The following JHY variants were observed in gnomAD, a reference collection of about 807,000 sequenced individuals.
JHY encodes the protein junctional cadherin complex regulator.
A neutral mutation model predicts 78.0 loss-of-function variants in JHY; 69 were observed. The ratio of observed to expected loss-of-function variants is 0.88; its 90% CI spans 0.73 to 1.08. The LOEUF (loss-of-function observed/expected upper bound fraction) is 1.08. JHY is among the 50% of genes least tolerant of loss of function. JHY has a pLI of 0.00. For synonymous variants in JHY, 368 were observed against 342.6 expected (o/e 1.07, Z -0.82); for missense variants, 944 against 927.8 (o/e 1.02, Z -0.23).
At chr11:122,940,844 C>T (rs76886860) in intron 5 of JHY, among the ~76,000 whole-genome samples, 2 of 141,398 alleles carry the variant, frequency 1.4e-5, no homozygotes, top group African/African-American at 5.3e-5. Context: ...TCCTTCCTTC[C>T]TTCTTTATCT....
intron 3 of JHY, among the ~76,000 whole-genome samples, chr11:122,920,517 G>A (rs933148232): frequency 4.6e-5 from 7 of 152,118 alleles, no homozygotes; most frequent in South Asian, 2.1e-4. Context: ...GTGTCTTTAC[G>A]CGGATTCACT....
chr11:122,914,389 C>A (rs1863192429), intron 3 of JHY, among the ~76,000 whole-genome samples: 3 of 151,860 alleles, frequency 2.0e-5, no homozygotes, highest in Admixed American at 2.0e-4. Context: ...ATAGAATTAT[C>A]TTCTTATAGG....
At chr11:122,887,341 G>A (rs1390683599) in intron 2 of JHY, among the ~76,000 whole-genome samples, 4 of 152,184 alleles carry the variant, frequency 2.6e-5, no homozygotes, top group South Asian at 2.1e-4. Flanking sequence ...TGTGTGGGAC[G>A]GGGGAGGAGT....
rs943957305 is a variant in JHY at position 122,961,089 on chromosome 11, A to C, written c.*1644A>C. 2.3e-5 allele frequency: 23 copies of C among 1,013,644 alleles called. No homozygotes were observed. The highest frequency in any genetic ancestry group is 3.5e-5 in the Non-Finnish European group (23 of 652,636). The allele number at this position is 1,013,644 out of a possible 1,614,324, so 62.8% of individuals were successfully genotyped here. On this transcript the variant is annotated 3_prime_UTR_variant, in exon 9 of 9. Transcript: ENST00000227349. ...GACTCATGCACAGCCAGTTATGTAA[A>C]TGTATCTATCCCAATTGAGAGAGCC...
Position 122,962,301 on chromosome 11 carries a change from T to G in JHY, c.*2856T>G, listed in dbSNP as rs1487769091. 2.6e-5 allele frequency among the ~76,000 whole-genome samples: 3 copies of G among 114,962 alleles called. No homozygotes were observed. 75.4% of individuals were successfully genotyped at this position (114,962 alleles called of 152,430 possible). A position where few individuals can be genotyped will look rare whatever the true frequency, so the allele number is the denominator to read the frequency against. ...CTATACGTGTGGTGTAAGGACTAGCTTTGGAAATGTACTCCTATGTTGTAT... is the reference window on the plus strand; with the variant it reads ...CTATACGTGTGGTGTAAGGACTAGCGTTGGAAATGTACTCCTATGTTGTAT... On this transcript the variant is annotated 3_prime_UTR_variant, in exon 9 of 9. Coordinates refer to ENST00000227349, the MANE Select transcript of JHY (RefSeq NM_024806.4).
At chr11:122,912,473 A>G (rs993086355) in intron 3 of JHY, among the ~76,000 whole-genome samples, 5 of 152,130 alleles carry the variant, frequency 3.3e-5, no homozygotes, top group Admixed American at 1.3e-4. Context: ...ACAACGAAAT[A>G]TTGGAGAAAA....
intron 3 of JHY, among the ~76,000 whole-genome samples, chr11:122,919,406 C>T (rs1256509108): frequency 1.8e-5 from 2 of 110,230 alleles, no homozygotes; most frequent in African/African-American, 6.7e-5. Flanking sequence ...ATTCCCTAAA[C>T]AAGTGAATTT....
chr11:122,915,405 C>T (rs759516158), intron 3 of JHY, among the ~76,000 whole-genome samples: 2 of 152,182 alleles, frequency 1.3e-5, no homozygotes, highest in African/African-American at 2.4e-5. Flanking sequence ...CCAAGAAACC[C>T]GGAAGAAAAG....
chr11:122,919,197 C>T (rs1224564631), intron 3 of JHY, among the ~76,000 whole-genome samples: 1 of 151,116 alleles, frequency 6.6e-6, no homozygotes, highest in Non-Finnish European at 1.5e-5. Context: ...ACTAAAATTA[C>T]AAAAAATTAG....
rs1340536343 is a variant in JHY at position 122,961,542 on chromosome 11, G to A, written c.*2097G>A. ...GCTAATTTTTATACTTTTAGTAGAG[G>A]CAGGGTTTCGCCATGTTGACCAGGC... On this transcript the variant is annotated 3_prime_UTR_variant, in exon 9 of 9. Coordinates refer to ENST00000227349, the MANE Select transcript of JHY (RefSeq NM_024806.4). 6.6e-6 allele frequency among the ~76,000 whole-genome samples: 1 copy of A among 152,094 alleles called. No individual in the cohort carries two copies. The highest frequency in any genetic ancestry group is 2.4e-5 in the African/African-American group (1 of 41,420).
chr11:122,940,795 A>AAT (rs1863858918), intron 5 of JHY, among the ~76,000 whole-genome samples: 1 of 151,910 alleles, frequency 6.6e-6, no homozygotes, highest in Admixed American at 6.6e-5. Flanking sequence ...TGGCTGTTGA[A>AAT]ATAAGACCTT....
In JHY at chr11:122,904,443, A is replaced by C; in HGVS notation, c.863A>C (p.Gln288Pro). 6.2e-7 allele frequency: 1 copy of C among 1,604,138 alleles called. No homozygotes were observed. Among genetic ancestry groups the C allele is most frequent in the East Asian group, 2.2e-5 (1 of 44,740 alleles). The part of the protein sequence containing the change: ...NKKRGESHPE[Q>P]ISYPVRVTDK... ...AAAAGAGGGGAATCTCATCCAGAAC[A>C]GGTACGTAGTGGCTACTTTAAAATG... Residue 288 changes from glutamine (Q) to proline (P), a missense_variant and splice_region_variant, in exon 3 of 9, where the codon CAG becomes CCG. Gln to Pro is a moderately conservative substitution (Grantham distance 76, BLOSUM62 -1). Transcript: ENST00000227349.
At chr11:122,915,632 C>T (rs1052543768) in intron 3 of JHY, among the ~76,000 whole-genome samples, 5 of 152,156 alleles carry the variant, frequency 3.3e-5, no homozygotes, top group African/African-American at 7.2e-5. Flanking sequence ...CCTGCGTCAG[C>T]CTCCCAAGTA....
At chr11:122,895,591 G>A (rs1032507050) in intron 2 of JHY, among the ~76,000 whole-genome samples, 2 of 152,148 alleles carry the variant, frequency 1.3e-5, no homozygotes, top group African/African-American at 4.8e-5. Context: ...ATATGCATGT[G>A]AAACCGTCCC....
Position 122,942,782 on chromosome 11 carries a change from A to C in JHY, c.1635-3716A>C, listed in dbSNP as rs7113499. On this transcript the variant is annotated intron_variant, in intron 5 of 8. Transcript: ENST00000227349. Reference sequence around the variant, plus strand: ...TTCTAAGGCTTTCTCCTTTTCCAATATAATTTAAAATTATAAATGTTCCTC... The same window carrying C: ...TTCTAAGGCTTTCTCCTTTTCCAATCTAATTTAAAATTATAAATGTTCCTC... Among the ~76,000 whole-genome samples, 1,137 of 152,318 alleles carry C rather than the reference A, an allele frequency of 7.5e-3. 13 individuals carry two copies. The highest frequency in any genetic ancestry group is 0.025 in the African/African-American group (1,051 of 41,566).
In JHY at chr11:122,886,067, G is replaced by C. The variant is rs780006590; in HGVS notation, c.218G>C (p.Ser73Thr). Residue 73 changes from serine (S) to threonine (T), a missense_variant, in exon 2 of 9, where the codon AGC becomes ACC. Transcript: ENST00000227349. Reference protein sequence around the residue: ...RIRGNGMEPDSLDEEESPRWG... With the variant: ...RIRGNGMEPDTLDEEESPRWG... ...CGGGGCAACGGTATGGAGCCCGACA[G>C]CTTAGACGAGGAGGAAAGCCCTCGA... 6.2e-7 allele frequency: 1 copy of C among 1,614,138 alleles called. No homozygotes were observed. The highest frequency in any genetic ancestry group is 1.1e-5 in the South Asian group (1 of 91,084).
chr11:122,904,908 C>T (rs1234267101), intron 3 of JHY, among the ~76,000 whole-genome samples: 1 of 152,170 alleles, frequency 6.6e-6, no homozygotes, highest in Non-Finnish European at 1.5e-5. Flanking sequence ...TGCCCCAGCA[C>T]ATTGTGGGTG....
At chr11:122,889,469 G>A (rs3134433) in intron 2 of JHY, among the ~76,000 whole-genome samples, 143,944 of 152,210 alleles carry the variant, frequency 0.95, 68,140 homozygotes, top group Middle Eastern at 0.98. Flanking sequence ...CTATTTACAT[G>A]GTATTTACAT....
chr11:122,907,108 C>T (rs1863008952), intron 3 of JHY, among the ~76,000 whole-genome samples: 1 of 152,182 alleles, frequency 6.6e-6, no homozygotes, highest in Non-Finnish European at 1.5e-5. Flanking sequence ...TTGCCTTAGA[C>T]ACCTGAGTGA....
Sources: gnomAD v4.1 joint callset for allele counts (sites outside exome capture counted in the v4.1 genomes callset) on GRCh38, gnomAD v4.1.1 for gene constraint, MANE v1.5 for transcripts, NCBI Gene and HGNC (gene_info 2026-07-23, HGNC 2026-07-21) for gene names.